Variants in CHRM3 observed in about 807,000 individuals in gnomAD.
The protein encoded by CHRM3 is cholinergic receptor muscarinic 3.
Under a neutral mutation model 41.8 loss-of-function variants are expected in CHRM3, and 11 were observed. That is an observed-to-expected ratio of 0.26 (90% CI 0.17 to 0.44). The LOEUF (loss-of-function observed/expected upper bound fraction) is 0.44. Among genes scored for constraint, CHRM3 ranks in the 20% least tolerant of loss-of-function variants. CHRM3 has a pLI of 1.00. For synonymous variants in CHRM3, 297 were observed against 301.4 expected, an observed-to-expected ratio of 0.99 and a Z score of 0.15; for missense variants, 571 against 745.4, an observed-to-expected ratio of 0.77 and a Z score of 2.72.
chr1:239,700,909 G>A (rs1039857063), intron 5 of CHRM3, among the ~76,000 whole-genome samples: 13 of 152,112 alleles, frequency 8.5e-5, no homozygotes, highest in African/African-American at 3.1e-4. Context: ...TGAAAGGGCA[G>A]CTCCCTTGAC....
chr1:239,757,682 A>C, intron 5 of CHRM3, among the ~76,000 whole-genome samples: 1 of 152,156 alleles, frequency 6.6e-6, no homozygotes, highest in African/African-American at 2.4e-5. Context: ...TGAATCGTAT[A>C]TTTTTTATGT....
chr1:239,449,489 G>A (rs1035883004), intron 1 of CHRM3, among the ~76,000 whole-genome samples: 3 of 152,092 alleles, frequency 2.0e-5, no homozygotes, highest in Admixed American at 6.5e-5. Context: ...CTTTAAAAAT[G>A]GAAGGGTGGG....
rs991683055 is a variant in CHRM3 at position 239,912,406 on chromosome 1, T to C, written c.*3182T>C. The C allele has an allele frequency of 6.0e-6, 1 of 167,124 alleles. No homozygotes were observed. The highest frequency in any genetic ancestry group is 2.4e-5 in the African/African-American group (1 of 41,470). The allele number at this position is 167,124 out of a possible 1,614,324, so 10.4% of individuals were successfully genotyped here. A position where few individuals can be genotyped will look rare whatever the true frequency, so the allele number is the denominator to read the frequency against. On this transcript the variant is annotated 3_prime_UTR_variant, in exon 7 of 7. Coordinates refer to ENST00000676153, the MANE Select transcript of CHRM3 (RefSeq NM_001375978.1). ...ATATTTTTCATTTCTCTTTACCCTT[T>C]AGTGTACAATAGTTGTAGACTCTGA... is the stretch of plus-strand genomic sequence containing the variant.
intron 6 of CHRM3, among the ~76,000 whole-genome samples, chr1:239,851,448 A>G (rs79133673): frequency 0.013 from 2,020 of 152,280 alleles, 46 homozygotes; most frequent in African/African-American, 0.047. Context: ...GCAAAACCCT[A>G]AAAAGAGGGA....
At chr1:239,652,875 A>G (rs1173553751) in intron 4 of CHRM3, among the ~76,000 whole-genome samples, 2 of 152,212 alleles carry the variant, frequency 1.3e-5, no homozygotes, top group Non-Finnish European at 2.9e-5. Context: ...CATTGTTAAG[A>G]ACTATTTTGT....
chr1:239,503,713 T>C (rs1359604477), intron 2 of CHRM3, among the ~76,000 whole-genome samples: 1 of 152,110 alleles, frequency 6.6e-6, no homozygotes, highest in East Asian at 1.9e-4. Context: ...GGTATAAAAA[T>C]AGGCACATAG....
At chr1:239,681,161 G>A (rs1005970629) in intron 5 of CHRM3, among the ~76,000 whole-genome samples, 2 of 152,166 alleles carry the variant, frequency 1.3e-5, no homozygotes, top group African/African-American at 2.4e-5. Context: ...CAACACGTGG[G>A]AATTCTGGGA....
At chr1:239,885,683 T>G (rs1028385197) in intron 6 of CHRM3, among the ~76,000 whole-genome samples, 1 of 152,176 alleles carries the variant, frequency 6.6e-6, no homozygotes, top group Admixed American at 6.5e-5. Context: ...ACCTGCTCAG[T>G]GCTTCCCATA....
At chr1:239,388,510 A>G (rs1187298350) in intron 1 of CHRM3, among the ~76,000 whole-genome samples, 1 of 152,220 alleles carries the variant, frequency 6.6e-6, no homozygotes, top group African/African-American at 2.4e-5. Context: ...ATATCGCATG[A>G]ACCATTCATC....
intron 1 of CHRM3, among the ~76,000 whole-genome samples, chr1:239,469,784 T>C (rs556787890): frequency 9.9e-5 from 15 of 152,276 alleles, no homozygotes; most frequent in African/African-American, 3.6e-4. Flanking sequence ...CCCAAGTTCC[T>C]GACCTCAGGT....
At chr1:239,560,884 C>A (rs564688887) in intron 3 of CHRM3, among the ~76,000 whole-genome samples, 1 of 152,046 alleles carries the variant, frequency 6.6e-6, no homozygotes, top group Non-Finnish European at 1.5e-5. Context: ...CACACCTCCC[C>A]CAAACTTGTT....
chr1:239,870,053 T>C (rs555691736), intron 6 of CHRM3, among the ~76,000 whole-genome samples: 1 of 152,304 alleles, frequency 6.6e-6, no homozygotes, highest in East Asian at 1.9e-4. Flanking sequence ...GCAATTCTTA[T>C]GAGTCATTCC....
At chr1:239,690,682 C>G (rs1659631593) in intron 5 of CHRM3, among the ~76,000 whole-genome samples, 1 of 151,906 alleles carries the variant, frequency 6.6e-6, no homozygotes, top group Non-Finnish European at 1.5e-5. Flanking sequence ...AAATTTACCC[C>G]TTATATGGAA....
At chr1:239,779,279 G>C (rs1668336010) in intron 5 of CHRM3, among the ~76,000 whole-genome samples, 1 of 152,056 alleles carries the variant, frequency 6.6e-6, no homozygotes, top group Non-Finnish European at 1.5e-5. Context: ...CCCCCACCAG[G>C]GTGTGTAATT....
intron 1 of CHRM3, among the ~76,000 whole-genome samples, chr1:239,452,569 G>A (rs1310694801): frequency 6.6e-6 from 1 of 152,172 alleles, no homozygotes; most frequent in Non-Finnish European, 1.5e-5. Context: ...AGCTTAGTGT[G>A]ATAATGTAAG....
At chr1:239,617,242 TA>T (rs1476552831) in intron 3 of CHRM3, among the ~76,000 whole-genome samples, 8 of 152,200 alleles carry the variant, frequency 5.3e-5, no homozygotes, top group Non-Finnish European at 1.0e-4. Context: ...TTTCCAAATT[TA>T]TTTGAACACC....
Position 239,510,758 on chromosome 1 carries a change from A to G in CHRM3, c.-422+17951A>G, listed in dbSNP as rs561612089. ...TTCATGTTGGTCAGGCTAGTCTTGA[A>G]CTCCCGACCTCAGCTGATCCGCCTG... On this transcript the variant is annotated intron_variant, in intron 2 of 6. Coordinates refer to ENST00000676153, the MANE Select transcript of CHRM3 (RefSeq NM_001375978.1). Among the ~76,000 whole-genome samples the G allele has an allele frequency of 1.5e-4, 22 of 150,466 alleles. 1 individual carries two copies. Among genetic ancestry groups the G allele is most frequent in the African/African-American group, 5.4e-4 (22 of 40,796 alleles).
At chr1:239,865,259 T>TC (rs1675994998) in intron 6 of CHRM3, among the ~76,000 whole-genome samples, 1 of 152,190 alleles carries the variant, frequency 6.6e-6, no homozygotes, top group African/African-American at 2.4e-5. Context: ...TACAGCACAC[T>TC]CCATCTGTGT....
At chr1:239,663,121 G>A (rs945697430) in intron 4 of CHRM3, among the ~76,000 whole-genome samples, 21 of 151,870 alleles carry the variant, frequency 1.4e-4, no homozygotes, top group East Asian at 5.8e-4. Flanking sequence ...TCCCGGTGCC[G>A]GGCAGCTCTG....
Sources: gnomAD v4.1 joint callset for allele counts (sites outside exome capture counted in the v4.1 genomes callset) on GRCh38, gnomAD v4.1.1 for gene constraint, MANE v1.5 for transcripts, NCBI Gene and HGNC (gene_info 2026-07-23, HGNC 2026-07-21) for gene names.